The following PANK4 variants were observed in gnomAD, a reference collection of about 807,000 sequenced individuals.
PANK4 encodes the protein pantothenate kinase 4 (inactive).
Under a neutral mutation model 87.9 loss-of-function variants are expected in PANK4, and 40 were observed. That is an observed-to-expected ratio of 0.46 (90% CI 0.35 to 0.59). The LOEUF (loss-of-function observed/expected upper bound fraction) is 0.59, where lower values mean the gene tolerates loss of function less well. PANK4 is among the 20% of genes least tolerant of loss of function. PANK4 has a pLI of 0.00. For synonymous variants in PANK4, 524 were observed against 467.4 expected (o/e 1.12, Z -1.56); for missense variants, 926 against 1,072.3 (o/e 0.86, Z 1.90).
rs1278239185 is a variant in PANK4 at position 2,508,936 on chromosome 1, G to A, written c.2233C>T (p.Leu745=). 1 of 1,610,774 alleles carries A rather than the reference G, an allele frequency of 6.2e-7. No individual in the cohort carries two copies. The highest frequency in any genetic ancestry group is 1.1e-5 in the South Asian group (1 of 90,582). ...HAALRCESLK[L]AVIKNAWLAE... ...AGCCACGCGTTCTTGATGACGGCCA[G>A]CTTGAGGCTCTCGCAGCGCAGGGCT... Residue 745 remains leucine, a synonymous_variant, in exon 19 of 19, where the codon CTG becomes TTG. Coordinates refer to ENST00000378466, the MANE Select transcript of PANK4 (RefSeq NM_018216.4). The surrounding 1 kb of genome is among the most constrained non-coding windows in gnomAD (Gnocchi z 5.1).
chr1:2,526,439 C>T (rs776272324), intron 1 of PANK4, 25 bp downstream of exon 1: 1 of 1,317,080 alleles, frequency 7.6e-7, no homozygotes, highest in South Asian at 1.8e-5. Context: ...CCGCAGCCCG[C>T]GCCCGGCGCC....
Position 2,526,475 on chromosome 1 carries a change from G to C in PANK4, c.113C>G (p.Ala38Gly). 1 of 1,560,050 alleles carries C rather than the reference G, an allele frequency of 6.4e-7. No homozygotes were observed. Among genetic ancestry groups the C allele is most frequent in the Non-Finnish European group, 8.7e-7 (1 of 1,155,790 alleles). ...FRNLENAKRF[A>G]IDIGGSLTKL... ...CGGCCTGCGGCTACCTATGTCGATG[G>C]CGAAGCGCTTGGCGTTCTCCAGGTT... The change falls in exon 1 of 19, where the codon GCC becomes GGC. Residue 38 changes from alanine (A) to glycine (G), a missense_variant. Physicochemically the swap from Ala to Gly is moderately conservative, Grantham distance 60. Transcript: ENST00000378466.
At chr1:2,523,698 G>T (rs575154320) in intron 1 of PANK4, among the ~76,000 whole-genome samples, 33 of 152,342 alleles carry the variant, frequency 2.2e-4, no homozygotes, top group African/African-American at 7.9e-4. Flanking sequence ...CACACCCGGG[G>T]GGACAAAACG....
chr1:2,519,792 G>T lies in PANK4; in HGVS notation c.853+9C>A. On this transcript the variant is annotated intron_variant, in intron 6 of 18. Coordinates refer to ENST00000378466, the MANE Select transcript of PANK4 (RefSeq NM_018216.4). This position sits in a 1 kb window ranked among gnomAD's most constrained non-coding sequence, Gnocchi z 8.3. ...CCTGCTCTCTGGCGGCAGAGGCCGG[G>T]GTGAGCACCTTGGTCGGCGGTGGCC... 1 of 1,571,250 alleles carries T rather than the reference G, an allele frequency of 6.4e-7. No homozygotes were observed. Among genetic ancestry groups the T allele is most frequent in the South Asian group, 1.2e-5 (1 of 86,280 alleles).
chr1:2,522,034 T>A (rs1643879750), intron 1 of PANK4: 1 of 563,188 alleles, frequency 1.8e-6, no homozygotes, highest in Non-Finnish European at 3.2e-6. Context: ...CTGGCCAAAC[T>A]GAGCTCAAGA....
At chr1:2,513,430 C>T (rs1019455564) in intron 12 of PANK4, among the ~76,000 whole-genome samples, 6 of 152,378 alleles carry the variant, frequency 3.9e-5, no homozygotes, top group African/African-American at 1.4e-4. Context: ...TGGGAGGAGT[C>T]CATGCCTCCG....
Position 2,511,696 on chromosome 1 carries a change from G to A in PANK4, c.1728-13C>T, listed in dbSNP as rs182624280. The A allele has an allele frequency of 1.3e-5, 21 of 1,572,882 alleles. No individual in the cohort carries two copies. In the South Asian group the frequency reaches 1.4e-4, roughly 11 times the overall value. On this transcript the variant is annotated splice_polypyrimidine_tract_variant and intron_variant, in intron 13 of 18. Coordinates refer to ENST00000378466, the MANE Select transcript of PANK4 (RefSeq NM_018216.4). ...GGATTCAAGGACACTGCATGGAGGA[G>A]GAGAAAAGAAAATTAAGACAACAGA... is the stretch of plus-strand genomic sequence containing the variant.
intron 10 of PANK4, 74 bp from the exon 11 acceptor site, chr1:2,514,540 G>A (rs535092385): frequency 9.3e-7 from 1 of 1,071,088 alleles, no homozygotes; most frequent in Non-Finnish European, 1.3e-6. Flanking sequence ...GACAGCAGGG[G>A]GCTCGGGGAA....
At chr1:2,517,380 T>C (rs1570541384) in intron 9 of PANK4, among the ~76,000 whole-genome samples, 1 of 152,312 alleles carries the variant, frequency 6.6e-6, no homozygotes, top group Admixed American at 6.5e-5. Flanking sequence ...TGTCTACAAA[T>C]GACAAGCAAC....
Position 2,510,791 on chromosome 1 carries a change from C to G in PANK4, c.1834-9G>C. ...CATTTATGAGGGGGCCCCTGTAAGA[C>G]AAAACCAGGACGTTCAGTTGGGAAC... is the stretch of plus-strand genomic sequence containing the variant. On this transcript the variant is annotated splice_polypyrimidine_tract_variant and intron_variant, in intron 15 of 18. Coordinates refer to ENST00000378466, the MANE Select transcript of PANK4 (RefSeq NM_018216.4). This position sits in a 1 kb window ranked among gnomAD's most constrained non-coding sequence, Gnocchi z 4.9. 1 of 1,530,982 alleles carries G rather than the reference C, an allele frequency of 6.5e-7. No individual in the cohort carries two copies. The highest frequency in any genetic ancestry group is 9.0e-7 in the Non-Finnish European group (1 of 1,105,014). 94.8% of individuals were successfully genotyped at this position (1,530,982 alleles called of 1,614,324 possible).
chr1:2,513,284 G>A (rs533919304), intron 12 of PANK4, among the ~76,000 whole-genome samples: 68 of 152,372 alleles, frequency 4.5e-4, no homozygotes, highest in African/African-American at 1.6e-3. Context: ...GTGAAGGGCA[G>A]GACAAGAGTG....
intron 13 of PANK4, chr1:2,512,673 C>T: frequency 1.8e-6 from 1 of 571,138 alleles, no homozygotes; most frequent in Non-Finnish European, 3.1e-6. Flanking sequence ...GAAGGGGCCT[C>T]CTCAGAACCT....
In PANK4 at chr1:2,515,028, G is replaced by A. The variant is rs966894440; in HGVS notation, c.1374+534C>T. Among the ~76,000 whole-genome samples, 4 of 152,192 alleles carry A rather than the reference G, an allele frequency of 2.6e-5. No individual in the cohort carries two copies. The highest frequency in any genetic ancestry group is 1.9e-4 in the East Asian group (1 of 5,180). ...AACCCTGGCACGACCCGGCCTCTCC[G>A]AGGGCTTCGTGAAGAGTGCGTGTTG... On this transcript the variant is annotated intron_variant, in intron 10 of 18. Transcript: ENST00000378466. The surrounding 1 kb of genome is among the most constrained non-coding windows in gnomAD (Gnocchi z 5.0).
chr1:2,515,565 G>A lies in PANK4; in HGVS notation c.1371C>T (p.Asp457=), dbSNP rs773341503. The change falls in exon 10 of 19, where the codon GAC becomes GAT. Residue 457 remains aspartate (D), a synonymous_variant. Coordinates refer to ENST00000378466, the MANE Select transcript of PANK4 (RefSeq NM_018216.4). This position sits in a 1 kb window ranked among gnomAD's most constrained non-coding sequence, Gnocchi z 5.0. The stretch of plus-strand genomic sequence containing the variant: ...AGACGGCACCCGGAGCCCTCACCCC[G>A]TCCAGGGCCTCCTCAAAGCAGGTGA... ...YWLTCFEEAL[D]GVVKRAVASQ... 8 of 1,612,582 alleles carry A rather than the reference G, an allele frequency of 5.0e-6. No homozygotes were observed. The highest frequency in any genetic ancestry group is 2.2e-5 in the South Asian group (2 of 91,054).
Position 2,515,485 on chromosome 1 carries a change from G to C in PANK4, c.1374+77C>G. 1 of 1,496,322 alleles carries C rather than the reference G, an allele frequency of 6.7e-7. No homozygotes were observed. Among genetic ancestry groups the C allele is most frequent in the Non-Finnish European group, 9.3e-7 (1 of 1,076,110 alleles). 92.7% of individuals were successfully genotyped at this position (1,496,322 alleles called of 1,614,324 possible). Reference sequence around the variant, plus strand: ...CTGGCCTGTCCCCCTTCGCCACCTTGGCTTTGCCCCCGGAGCCTTGGAAGG... The same window carrying C: ...CTGGCCTGTCCCCCTTCGCCACCTTCGCTTTGCCCCCGGAGCCTTGGAAGG... On this transcript the variant is annotated intron_variant, in intron 10 of 18. Coordinates refer to ENST00000378466, the MANE Select transcript of PANK4 (RefSeq NM_018216.4). The surrounding 1 kb of genome is among the most constrained non-coding windows in gnomAD (Gnocchi z 5.0).
Position 2,511,917 on chromosome 1 carries a change from C to G in PANK4, c.1728-234G>C, listed in dbSNP as rs59569652. 5.5e-3 allele frequency among the ~76,000 whole-genome samples: 836 copies of G among 152,270 alleles called. 4 individuals are homozygous for G. Among genetic ancestry groups the G allele is most frequent in the African/African-American group, 0.018 (757 of 41,534 alleles). ...GACCCCAAATCCCTCCCAGGTGGGA[C>G]AGAGGCAGCTGCTCAACGTGAAGAC... On this transcript the variant is annotated intron_variant, in intron 13 of 18. Transcript: ENST00000378466.
rs1412292989 is a variant in PANK4, at chr1:2,521,017, G to A, written c.422+84C>T. 3.7e-5 allele frequency: 57 copies of A among 1,522,046 alleles called. 1 individual carries two copies. The highest frequency in any genetic ancestry group is 1.0e-5 in the Non-Finnish European group (11 of 1,103,750). The allele number at this position is 1,522,046 out of a possible 1,614,324, so 94.3% of individuals were successfully genotyped here. ...ATGCCCCATGCGCAATCTGACACAC[G>A]AGCGCCAGGGACGCGGCTCTGGGAC... On this transcript the variant is annotated intron_variant, in intron 3 of 18. Coordinates refer to ENST00000378466, the MANE Select transcript of PANK4 (RefSeq NM_018216.4).
Position 2,510,085 on chromosome 1 carries a change from G to A in PANK4, c.2011C>T (p.Arg671Cys), listed in dbSNP as rs201306088. ...THSESLIVAE[R>C]IAGMDPVVHS... ...ACGACAGGGTCCATGCCCGCAATAC[G>A]CTCTGCCACGATGAGGGACTCGCTG... is the stretch of plus-strand genomic sequence containing the variant. Residue 671 changes from arginine to cysteine, a missense_variant, in exon 17 of 19, where the codon CGT becomes TGT. Coordinates refer to ENST00000378466, the MANE Select transcript of PANK4 (RefSeq NM_018216.4). This position sits in a 1 kb window ranked among gnomAD's most constrained non-coding sequence, Gnocchi z 4.9. 1.1e-4 allele frequency: 184 copies of A among 1,610,848 alleles called. No individual in the cohort carries two copies. Among genetic ancestry groups the A allele is most frequent in the Non-Finnish European group, 1.3e-4 (153 of 1,179,014 alleles).
At chr1:2,511,408 C>A in intron 14 of PANK4, 21 bp from the exon 15 acceptor site, 1 of 1,589,642 alleles carries the variant, frequency 6.3e-7, no homozygotes, top group South Asian at 1.1e-5. Flanking sequence ...GAGAGGGACA[C>A]ATGATTAGCC....
Sources: gnomAD v4.1 joint callset for allele counts (sites outside exome capture counted in the v4.1 genomes callset) on GRCh38, gnomAD v4.1.1 for gene constraint, Gnocchi (gnomAD v3.1) non-coding constraint, MANE v1.5 for transcripts, NCBI Gene and HGNC (gene_info 2026-07-23, HGNC 2026-07-21) for gene names.